LRP1B: variants seen among roughly 807,000 people sequenced by gnomAD.
LRP1B encodes LDL receptor related protein 1B.
In LRP1B, 217 loss-of-function variants were observed where a neutral mutation model predicts 556.6. That is an observed-to-expected ratio of 0.39 (90% CI 0.35 to 0.44). LRP1B has a LOEUF of 0.44. Ranked by LOEUF, LRP1B falls within the 20% of genes least tolerant of loss-of-function variation. LRP1B has a pLI of 1.00. For synonymous variants in LRP1B, 2,047 were observed against 1,865.8 expected (o/e 1.10, Z -2.50); for missense variants, 5,053 against 5,620.8 (o/e 0.90, Z 3.23).
chr2:141,936,810 A>G (rs898658890), intron 1 of LRP1B, among the ~76,000 whole-genome samples: 6 of 152,168 alleles, frequency 3.9e-5, no homozygotes, highest in Non-Finnish European at 7.4e-5. Context: ...TTATTCAAGG[A>G]ACATTAATTT....
intron 31 of LRP1B, among the ~76,000 whole-genome samples, chr2:140,819,391 GA>G (rs1400625555): frequency 2.6e-5 from 4 of 152,064 alleles, no homozygotes; most frequent in African/African-American, 9.7e-5. Flanking sequence ...TTTGGTCTGT[GA>G]AAAGTAATAA....
chr2:141,477,647 C>T (rs1682762142), intron 3 of LRP1B, among the ~76,000 whole-genome samples: 1 of 152,118 alleles, frequency 6.6e-6, no homozygotes, highest in Non-Finnish European at 1.5e-5. Context: ...AGCAGGTAAA[C>T]TCATTTCTGA....
chr2:141,981,522 G>C (rs189630268), intron 1 of LRP1B, among the ~76,000 whole-genome samples: 7 of 152,228 alleles, frequency 4.6e-5, no homozygotes, highest in Admixed American at 3.3e-4. Flanking sequence ...TTACAGTCTT[G>C]ATTAGGAGTT....
In LRP1B at chr2:140,407,431, C is replaced by T. The variant is rs984546658; in HGVS notation, c.10415-21422G>A. ...AGACAATATTTGCAAACTCTGCATC[C>T]GACAAAGGAATAGTATCCAGAATGT... On this transcript the variant is annotated intron_variant, in intron 66 of 90. Coordinates refer to ENST00000389484, the MANE Select transcript of LRP1B (RefSeq NM_018557.3). 4.6e-5 allele frequency among the ~76,000 whole-genome samples: 7 copies of T among 151,838 alleles called. 1 individual carries two copies. The highest frequency in any genetic ancestry group is 4.1e-4 in the South Asian group (2 of 4,824).
In LRP1B at chr2:141,572,429, A is replaced by T. The variant is rs142245576; in HGVS notation, c.206-91896T>A. On this transcript the variant is annotated intron_variant, in intron 2 of 90. Coordinates refer to ENST00000389484, the MANE Select transcript of LRP1B (RefSeq NM_018557.3). Reference sequence around the variant, plus strand: ...CTGCCCTGCAAGAGATCCTGAAAGAAGCACTAAATATGGAAAGGAAAATCT... The same window carrying T: ...CTGCCCTGCAAGAGATCCTGAAAGATGCACTAAATATGGAAAGGAAAATCT... Among the ~76,000 whole-genome samples the T allele has an allele frequency of 4.4e-3, 676 of 152,326 alleles. 10 individuals carry two copies. The highest frequency in any genetic ancestry group is 0.016 in the African/African-American group (648 of 41,570).
In LRP1B at chr2:140,434,003, C is replaced by G. The variant is rs189663267; in HGVS notation, c.10414+8501G>C. 1.1e-3 allele frequency among the ~76,000 whole-genome samples: 165 copies of G among 152,016 alleles called. 1 individual carries two copies. Among genetic ancestry groups the G allele is most frequent in the African/African-American group, 3.8e-3 (158 of 41,494 alleles). ...AGAAACCTTAGGTCTCAGGGAAGAT[C>G]TGTTCTCTACTCTATTTCTATGGCC... On this transcript the variant is annotated intron_variant, in intron 66 of 90. Transcript: ENST00000389484.
chr2:141,474,099 G>A (rs61572893), intron 3 of LRP1B, among the ~76,000 whole-genome samples: 31 of 57,880 alleles, frequency 5.4e-4, no homozygotes, highest in African/African-American at 1.3e-3. Context: ...CCTTTCCTCC[G>A]TCCCTTCCTT....
intron 2 of LRP1B, among the ~76,000 whole-genome samples, chr2:141,701,513 T>C (rs2105462847): frequency 6.6e-6 from 1 of 151,922 alleles, no homozygotes; most frequent in South Asian, 2.1e-4. Flanking sequence ...GGTTCACATC[T>C]TGACGCCATT....
At position 140,324,084 on chromosome 2, in the gene LRP1B, C is replaced by T. The variant is rs767460884; in HGVS notation, c.12341-18G>A. 2.6e-6 allele frequency: 4 copies of T among 1,564,772 alleles called. No homozygotes were observed. Among genetic ancestry groups the T allele is most frequent in the South Asian group, 1.1e-5 (1 of 88,122 alleles). On this transcript the variant is annotated intron_variant, in intron 80 of 90. Transcript: ENST00000389484. ...TAATAAACCTGGAATTTTAAAAAGGCAGTTATGAAAGTTTTAATGTATATA... is the reference window on the plus strand; with the variant it reads ...TAATAAACCTGGAATTTTAAAAAGGTAGTTATGAAAGTTTTAATGTATATA...
intron 1 of LRP1B, among the ~76,000 whole-genome samples, chr2:141,916,311 A>C (rs865994141): frequency 6.6e-6 from 1 of 152,112 alleles, no homozygotes; most frequent in Non-Finnish European, 1.5e-5. Flanking sequence ...TAAGAGAATT[A>C]ACACAGGAAT....
chr2:141,278,076 G>C lies in LRP1B; in HGVS notation c.344-23435C>G, dbSNP rs1463707081. 3.9e-5 allele frequency among the ~76,000 whole-genome samples: 6 copies of C among 152,216 alleles called. No homozygotes were observed. The South Asian group carries it at 1.0e-3, about 26-fold the overall frequency. On this transcript the variant is annotated intron_variant, in intron 3 of 90. Transcript: ENST00000389484. ...CAAGCAAATTTATTTTGATTCGTGA[G>C]CATGAGTCAAACTCATCAAAATCCT...
chr2:141,411,673 G>C (rs1287622361), intron 3 of LRP1B, among the ~76,000 whole-genome samples: 1 of 152,088 alleles, frequency 6.6e-6, no homozygotes, highest in Non-Finnish European at 1.5e-5. Flanking sequence ...TGCTAATGCA[G>C]TTGAAACAAC....
intron 84 of LRP1B, among the ~76,000 whole-genome samples, chr2:140,287,193 G>C (rs1683184519): frequency 6.6e-6 from 1 of 151,726 alleles, no homozygotes. Context: ...CACTGAAATT[G>C]TTTTAAAACA....
intron 60 of LRP1B, among the ~76,000 whole-genome samples, chr2:140,463,121 C>T (rs918057590): frequency 4.6e-5 from 7 of 151,968 alleles, no homozygotes; most frequent in Middle Eastern, 3.4e-3. Context: ...TATTAGATGG[C>T]GGTAGAAAGT....
intron 60 of LRP1B, among the ~76,000 whole-genome samples, chr2:140,457,980 G>A (rs1573961499): frequency 6.6e-6 from 1 of 151,498 alleles, no homozygotes; most frequent in East Asian, 1.9e-4. Context: ...GTGTGTGTGT[G>A]TATGTGTGTA....
Position 140,678,951 on chromosome 2 carries a change from T to C in LRP1B, c.6799+21299A>G, listed in dbSNP as rs182849766. Among the ~76,000 whole-genome samples, 43 of 152,174 alleles carry C rather than the reference T, an allele frequency of 2.8e-4. 1 individual carries two copies. Among genetic ancestry groups the C allele is most frequent in the African/African-American group, 8.9e-4 (37 of 41,542 alleles). On this transcript the variant is annotated intron_variant, in intron 41 of 90. Coordinates refer to ENST00000389484, the MANE Select transcript of LRP1B (RefSeq NM_018557.3). ...TGCCATCATGCCCTGCTAATTTTCA[T>C]GTTTTTGTAGAGACAGGGTTTCACC...
At chr2:140,830,934 T>C (rs1691692739) in intron 31 of LRP1B, among the ~76,000 whole-genome samples, 1 of 151,826 alleles carries the variant, frequency 6.6e-6, no homozygotes, top group Non-Finnish European at 1.5e-5. Flanking sequence ...GAAAAAGAGA[T>C]TAAGAAACAA....
chr2:140,807,542 G>A (rs575121464), intron 32 of LRP1B, among the ~76,000 whole-genome samples: 2 of 143,794 alleles, frequency 1.4e-5, no homozygotes, highest in African/African-American at 5.1e-5. Flanking sequence ...TAGTAGAGAT[G>A]GGGTTTCACC....
chr2:140,316,735 G>GAA (rs113572937), intron 82 of LRP1B, among the ~76,000 whole-genome samples: 3 of 151,310 alleles, frequency 2.0e-5, no homozygotes, highest in African/African-American at 7.3e-5. Context: ...TAAGAAATGG[G>GAA]AAAAAAAATA....
Sources: allele counts gnomAD v4.1 joint callset (sites outside exome capture counted in the v4.1 genomes callset), GRCh38; gene constraint gnomAD v4.1.1; transcripts MANE v1.5; gene names NCBI Gene and HGNC (gene_info 2026-07-23, HGNC 2026-07-21).